Variants in RBPMS observed in about 807,000 individuals in gnomAD.
RBPMS encodes RNA binding protein, mRNA processing factor.
A neutral mutation model predicts 26.8 loss-of-function variants in RBPMS; 7 were observed. The observed-to-expected ratio is 0.26, with a 90% CI of 0.15 to 0.49. The LOEUF (loss-of-function observed/expected upper bound fraction) is 0.49. Ranked by LOEUF, RBPMS falls within the 20% of genes least tolerant of loss-of-function variation. RBPMS has a pLI of 0.98. For synonymous variants in RBPMS, 96 were observed against 93.3 expected (o/e 1.03, Z -0.17); for missense variants, 186 against 250.0 (o/e 0.74, Z 1.73).
At chr8:30,418,657 CA>C (rs1810379770) in intron 1 of RBPMS, among the ~76,000 whole-genome samples, 1 of 152,144 alleles carries the variant, frequency 6.6e-6, no homozygotes, top group African/African-American at 2.4e-5. Flanking sequence ...TGTCTCACTG[CA>C]ACCTCCGTCT....
intron 6 of RBPMS, chr8:30,553,198 G>A (rs1393409850): frequency 6.6e-6 from 1 of 152,232 alleles, no homozygotes; most frequent in African/African-American, 2.4e-5. Flanking sequence ...AAAGAGTATA[G>A]GCTGCCGATT....
rs139166292 is a variant in RBPMS at position 30,445,706 on chromosome 8, C to T, written c.67-29073C>T. 2.6e-3 allele frequency among the ~76,000 whole-genome samples: 362 copies of T among 137,940 alleles called. 1 individual carries two copies. The highest frequency in any genetic ancestry group is 6.7e-3 in the African/African-American group (242 of 36,146). The allele number at this position is 137,940 out of a possible 152,430, so 90.5% of individuals were successfully genotyped here. A position where few individuals can be genotyped will look rare whatever the true frequency, so the allele number is the denominator to read the frequency against. On this transcript the variant is annotated intron_variant, in intron 1 of 8. Coordinates refer to ENST00000397323, the MANE Select transcript of RBPMS (RefSeq NM_001008710.3). ...TTCCTGAAACAAGGTGTTGCACTGT[C>T]GCCTAGGCTAGGGTGCAGTGGTGCA...
chr8:30,548,114 T>C (rs1032142194), intron 6 of RBPMS, among the ~76,000 whole-genome samples: 2 of 152,250 alleles, frequency 1.3e-5, no homozygotes, highest in African/African-American at 4.8e-5. Context: ...AGAAGATCAT[T>C]AACATTTTTA....
chr8:30,477,967 A>T, intron 3 of RBPMS, 130 bp downstream of exon 3: 2 of 648,244 alleles, frequency 3.1e-6, no homozygotes, highest in Non-Finnish European at 5.4e-6. Context: ...TAAAAGTGAG[A>T]TGTATTAGGA....
chr8:30,534,006 C>T (rs1355911738), intron 5 of RBPMS, among the ~76,000 whole-genome samples: 3 of 151,836 alleles, frequency 2.0e-5, no homozygotes, highest in Non-Finnish European at 2.9e-5. Context: ...TGGTGGTGGG[C>T]GCCTGTAATC....
chr8:30,475,777 A>C (rs1817622899), intron 2 of RBPMS, among the ~76,000 whole-genome samples: 1 of 152,230 alleles, frequency 6.6e-6, no homozygotes, highest in Admixed American at 6.5e-5. Context: ...GAACCAACAA[A>C]GATAAAACAG....
chr8:30,511,475 AAAAAAAAAAAAATATATATAT>A (rs1324813572), intron 5 of RBPMS, among the ~76,000 whole-genome samples: 5 of 6,058 alleles, frequency 8.3e-4, no homozygotes, highest in African/African-American at 2.9e-3. Flanking sequence ...AAAAAAGAAA[AAAAAAAAAAAAATATATATAT>A]ATATATATAT....
At chr8:30,484,741 A>T (rs1009673968) in intron 4 of RBPMS, among the ~76,000 whole-genome samples, 1 of 152,238 alleles carries the variant, frequency 6.6e-6, no homozygotes, top group Non-Finnish European at 1.5e-5. Context: ...TAATAGTGTC[A>T]GATGTTGAAA....
At chr8:30,416,408 T>C (rs1401934211) in intron 1 of RBPMS, among the ~76,000 whole-genome samples, 1 of 152,086 alleles carries the variant, frequency 6.6e-6, no homozygotes. Flanking sequence ...CTCTGCCCAC[T>C]GCAACCTCTG....
At chr8:30,393,222 A>G (rs1477695181) in intron 1 of RBPMS, among the ~76,000 whole-genome samples, 2 of 151,986 alleles carry the variant, frequency 1.3e-5, no homozygotes, top group African/African-American at 2.4e-5. Context: ...AAAATCTGAT[A>G]TATGGTCTTT....
chr8:30,479,476 G>T (rs1295057469), intron 4 of RBPMS, 99 bp downstream of exon 4: 5 of 886,786 alleles, frequency 5.6e-6, no homozygotes, highest in East Asian at 4.8e-5. Context: ...GAATATGACT[G>T]CACAGTCTAA....
At chr8:30,434,130 A>C (rs995148237) in intron 1 of RBPMS, among the ~76,000 whole-genome samples, 1 of 151,086 alleles carries the variant, frequency 6.6e-6, no homozygotes, top group African/African-American at 2.5e-5. Flanking sequence ...AAAAATAAAA[A>C]ATAAAAAATA....
intron 4 of RBPMS, among the ~76,000 whole-genome samples, chr8:30,495,433 A>G (rs1314558399): frequency 2.6e-5 from 4 of 152,184 alleles, no homozygotes; most frequent in African/African-American, 9.7e-5. Context: ...TAATGGCTCC[A>G]TGGGCACGTA....
At position 30,423,901 on chromosome 8, in the gene RBPMS, G is replaced by A. The variant is rs576976310; in HGVS notation, c.66+38743G>A. Among the ~76,000 whole-genome samples the A allele has an allele frequency of 5.9e-5, 9 of 151,874 alleles. No homozygotes were observed. The South Asian group carries it at 1.7e-3, about 28-fold the overall frequency. On this transcript the variant is annotated intron_variant, in intron 1 of 8. Coordinates refer to ENST00000397323, the MANE Select transcript of RBPMS (RefSeq NM_001008710.3). ...CACCCAGGCTGGAGTGCCATGGCAC[G>A]ATCTTGGCTCACTGCAACCTCTGCC...
chr8:30,432,236 A>G (rs1381291089), intron 1 of RBPMS, among the ~76,000 whole-genome samples: 1 of 152,254 alleles, frequency 6.6e-6, no homozygotes, highest in Non-Finnish European at 1.5e-5. Context: ...AGTTGTTTAA[A>G]TAAACTGACT....
chr8:30,572,124 A>T lies in RBPMS; in HGVS notation c.*1599A>T, dbSNP rs975289648. 9 of 152,222 alleles carry T rather than the reference A, an allele frequency of 5.9e-5. No individual in the cohort carries two copies. Among genetic ancestry groups the T allele is most frequent in the Admixed American group, 5.9e-4 (9 of 15,282 alleles). The allele number at this position is 152,222 out of a possible 1,614,324, so 9.4% of individuals were successfully genotyped here. A position where few individuals can be genotyped will look rare whatever the true frequency, so the allele number is the denominator to read the frequency against. ...AGGACCTGCTTATGCCCTCAGTGCCAATCGGCTCTTGGTGAGATGACTGTA... is the reference window on the plus strand; with the variant it reads ...AGGACCTGCTTATGCCCTCAGTGCCTATCGGCTCTTGGTGAGATGACTGTA... On this transcript the variant is annotated 3_prime_UTR_variant, in exon 9 of 9. Transcript: ENST00000397323.
intron 1 of RBPMS, chr8:30,446,847 G>GCACA: frequency 1.3e-5 from 1 of 76,350 alleles, no homozygotes; most frequent in Non-Finnish European, 2.7e-5. Context: ...GTGTGTGCGC[G>GCACA]CGCGCGCGCG....
At chr8:30,456,684 G>A (rs1312129966) in intron 1 of RBPMS, among the ~76,000 whole-genome samples, 2 of 152,056 alleles carry the variant, frequency 1.3e-5, no homozygotes, top group African/African-American at 4.8e-5. Flanking sequence ...AGAACCTTTG[G>A]GTCACGTGTG....
At chr8:30,557,557 C>T (rs1167317483) in intron 6 of RBPMS, among the ~76,000 whole-genome samples, 3 of 152,178 alleles carry the variant, frequency 2.0e-5, no homozygotes, top group African/African-American at 7.2e-5. Flanking sequence ...TGCAGTGCTG[C>T]CTCCCAGACC....
Sources: gnomAD v4.1 joint callset for allele counts (sites outside exome capture counted in the v4.1 genomes callset) on GRCh38, gnomAD v4.1.1 for gene constraint, MANE v1.5 for transcripts, NCBI Gene and HGNC (gene_info 2026-07-23, HGNC 2026-07-21) for gene names.